The following GNAI1 variants were observed in gnomAD, a reference collection of about 807,000 sequenced individuals.
The protein encoded by GNAI1 is guanine nucleotide-binding protein G(i) subunit alpha-1.
In GNAI1, 11 loss-of-function variants were observed where a neutral mutation model predicts 38.9. The observed-to-expected ratio is 0.28, with a 90% confidence interval of 0.18 to 0.47. The LOEUF is 0.47. Ranked by LOEUF, GNAI1 falls within the 20% of genes least tolerant of loss-of-function variation. The probability of loss-of-function intolerance (pLI) is 0.99; values close to 1 mark genes in which losing one functional copy is unlikely to be tolerated. For synonymous variants in GNAI1, 166 were observed against 145.1 expected, an observed-to-expected ratio of 1.14 and a Z score of -1.04; for missense variants, 317 against 436.9, an observed-to-expected ratio of 0.73 and a Z score of 2.45.
intron 1 of GNAI1, among the ~76,000 whole-genome samples, chr7:80,176,936 C>T (rs943823049): frequency 1.4e-5 from 1 of 71,254 alleles, no homozygotes; most frequent in Non-Finnish European, 2.6e-5. Context: ...GACTCTGTCT[C>T]AAAAAAAAAA....
intron 1 of GNAI1, among the ~76,000 whole-genome samples, chr7:80,136,700 TAAG>T (rs1787422804): frequency 6.6e-6 from 1 of 152,202 alleles, no homozygotes; most frequent in Non-Finnish European, 1.5e-5. Flanking sequence ...AGATATGAAA[TAAG>T]AGGATTAAGA....
chr7:80,182,900 T>C (rs1788319787), intron 1 of GNAI1, among the ~76,000 whole-genome samples: 1 of 152,178 alleles, frequency 6.6e-6, no homozygotes, highest in Non-Finnish European at 1.5e-5. Flanking sequence ...GACCATCATG[T>C]TAGCTAATTG....
chr7:80,152,496 A>G (rs898531718), intron 1 of GNAI1, among the ~76,000 whole-genome samples: 75 of 151,990 alleles, frequency 4.9e-4, no homozygotes, highest in African/African-American at 1.8e-3. Flanking sequence ...TTTTGTTTTT[A>G]CAAAAACGGG....
intron 1 of GNAI1, among the ~76,000 whole-genome samples, 162 bp from the exon 2 acceptor site, chr7:80,188,789 C>A (rs1788430573): frequency 6.6e-6 from 1 of 151,868 alleles, no homozygotes; most frequent in Non-Finnish European, 1.5e-5. Context: ...ATATTTGCTG[C>A]CTTGTATCTC....
rs781525050 is a variant in GNAI1 at position 80,217,422 on chromosome 7, G to A, written c.994G>A (p.Val332Met). The A allele has an allele frequency of 8.7e-6, 14 of 1,609,380 alleles. No individual in the cohort carries two copies. The highest frequency in any genetic ancestry group is 2.2e-5 in the East Asian group (1 of 44,766). ...HFTCATDTKN[V>M]QFVFDAVTDV... ...CACATGTGCCACAGATACTAAGAATGTGCAGTTTGTTTTTGATGCTGTAAC... is the reference window on the plus strand; with the variant it reads ...CACATGTGCCACAGATACTAAGAATATGCAGTTTGTTTTTGATGCTGTAAC... Residue 332 changes from valine to methionine, a missense_variant, in exon 8 of 8, where the codon GTG (valine) becomes ATG (methionine). Transcript: ENST00000649796.
Position 80,203,900 on chromosome 7 carries a change from G to A in GNAI1, c.590+68G>A, listed in dbSNP as rs370840832. The A allele has an allele frequency of 2.6e-5, 24 of 924,486 alleles. 2 individuals are homozygous for A. In the Middle Eastern group the frequency reaches 1.0e-3, roughly 40 times the overall value. The allele number at this position is 924,486 out of a possible 1,614,324, so 57.3% of individuals were successfully genotyped here. On this transcript the variant is annotated intron_variant, in intron 5 of 7. Coordinates refer to ENST00000649796, the MANE Select transcript of GNAI1 (RefSeq NM_002069.6). ...ACACATTGCTTTAGAAATAAAAAGTGTAATAAAAGTTTACAACATTTTTAC... is the reference window on the plus strand; with the variant it reads ...ACACATTGCTTTAGAAATAAAAAGTATAATAAAAGTTTACAACATTTTTAC...
chr7:80,136,709 TAAG>T (rs1583998029), intron 1 of GNAI1, among the ~76,000 whole-genome samples: 1 of 152,198 alleles, frequency 6.6e-6, no homozygotes, highest in East Asian at 1.9e-4. Flanking sequence ...ATAAGAGGAT[TAAG>T]AAGTTTTTTT....
At chr7:80,186,972 T>C (rs1403737075) in intron 1 of GNAI1, 2 of 152,230 alleles carry the variant, frequency 1.3e-5, no homozygotes, top group Non-Finnish European at 2.9e-5. Flanking sequence ...ATTGTTTTCA[T>C]TGGCAGATGC....
rs1480824558 is a variant in GNAI1, at chr7:80,225,131, G to T, written c.*7638G>T. Among the ~76,000 whole-genome samples, 1 of 152,058 alleles carries T rather than the reference G, an allele frequency of 6.6e-6. No individual in the cohort carries two copies. Among genetic ancestry groups the T allele is most frequent in the Non-Finnish European group, 1.5e-5 (1 of 68,000 alleles). ...TCAGTGACTTTCTTGGGAAATGGTG[G>T]GCCTCAGTAAAGACTTGGACTATTC... On this transcript the variant is annotated 3_prime_UTR_variant, in exon 8 of 8. Coordinates refer to ENST00000649796, the MANE Select transcript of GNAI1 (RefSeq NM_002069.6).
chr7:80,192,888 G>A (rs999657493), intron 3 of GNAI1, among the ~76,000 whole-genome samples: 2 of 151,884 alleles, frequency 1.3e-5, no homozygotes, highest in African/African-American at 2.4e-5. Context: ...TAGTAGAGAC[G>A]GGGTTTCACC....
intron 1 of GNAI1, among the ~76,000 whole-genome samples, chr7:80,138,992 A>G (rs1787475105): frequency 1.3e-5 from 2 of 152,216 alleles, no homozygotes; most frequent in South Asian, 4.1e-4. Flanking sequence ...CTAGTTGAGA[A>G]ATGTTGGCTA....
At chr7:80,170,274 C>A (rs1194173470) in intron 1 of GNAI1, among the ~76,000 whole-genome samples, 4 of 152,096 alleles carry the variant, frequency 2.6e-5, no homozygotes, top group African/African-American at 9.7e-5. Context: ...ATGAAGATTC[C>A]ATAATTCTTC....
intron 1 of GNAI1, among the ~76,000 whole-genome samples, chr7:80,167,538 A>G (rs914150346): frequency 6.6e-6 from 1 of 152,176 alleles, no homozygotes; most frequent in Admixed American, 6.5e-5. Context: ...ATAGTAACCT[A>G]TTTTCATATA....
rs1336553845 is a variant in GNAI1 at position 80,134,843 on chromosome 7, G to C, written c.-318G>C. The C allele has an allele frequency of 5.4e-6, 1 of 186,286 alleles. No individual in the cohort carries two copies. Among genetic ancestry groups the C allele is most frequent in the African/African-American group, 2.4e-5 (1 of 42,394 alleles). The allele number at this position is 186,286 out of a possible 1,614,324, so 11.5% of individuals were successfully genotyped here. On this transcript the variant is annotated 5_prime_UTR_variant, in exon 1 of 8. Transcript: ENST00000649796. ...GCGCGCGGAGGCCGAGCTCGGCTGGGCTTGGCGAGGCTGCGGCGCGGCCAC... is the reference window on the plus strand; with the variant it reads ...GCGCGCGGAGGCCGAGCTCGGCTGGCCTTGGCGAGGCTGCGGCGCGGCCAC...
intron 1 of GNAI1, among the ~76,000 whole-genome samples, chr7:80,164,248 T>C (rs1787975562): frequency 6.6e-6 from 1 of 151,830 alleles, no homozygotes; most frequent in African/African-American, 2.4e-5. Flanking sequence ...TTTCACTGTG[T>C]TGGCCAGGAT....
At chr7:80,191,492 A>G (rs898521268) in intron 3 of GNAI1, among the ~76,000 whole-genome samples, 1 of 152,106 alleles carries the variant, frequency 6.6e-6, no homozygotes, top group Non-Finnish European at 1.5e-5. Context: ...CCCAGGTTCA[A>G]GCAATTCTCA....
At chr7:80,164,910 G>C (rs953731252) in intron 1 of GNAI1, among the ~76,000 whole-genome samples, 5 of 149,854 alleles carry the variant, frequency 3.3e-5, no homozygotes, top group African/African-American at 1.3e-4. Context: ...TAATAGCAAT[G>C]GAGAGGCATT....
chr7:80,178,618 A>AT (rs1336062500), intron 1 of GNAI1, among the ~76,000 whole-genome samples: 2 of 152,194 alleles, frequency 1.3e-5, no homozygotes, highest in Non-Finnish European at 2.9e-5. Flanking sequence ...GTAATAAAGT[A>AT]TTTTTTATTA....
chr7:80,145,368 G>A (rs974303142), intron 1 of GNAI1, among the ~76,000 whole-genome samples: 2 of 152,100 alleles, frequency 1.3e-5, no homozygotes, highest in Non-Finnish European at 2.9e-5. Flanking sequence ...AAGAGGTAAT[G>A]TGGTGTTTAT....
Sources: gnomAD v4.1 joint callset for allele counts (sites outside exome capture counted in the v4.1 genomes callset) on GRCh38, gnomAD v4.1.1 for gene constraint, MANE v1.5 for transcripts, NCBI Gene and HGNC (gene_info 2026-07-23, HGNC 2026-07-21) for gene names.